Variants in HCK observed in about 807,000 individuals in gnomAD.
The protein encoded by HCK is HCK proto-oncogene, Src family tyrosine kinase, also known as tyrosine-protein kinase HCK.
A neutral mutation model predicts 70.4 loss-of-function variants in HCK; 40 were observed. The observed-to-expected ratio is 0.57, with a 90% CI of 0.44 to 0.74. The LOEUF is 0.74. Ranked by LOEUF, HCK falls within the 30% of genes least tolerant of loss-of-function variation. The probability of loss-of-function intolerance (pLI) is 0.00; values close to 1 mark genes in which losing one functional copy is unlikely to be tolerated. For missense variants in HCK, 568 were observed against 697.2 expected (o/e 0.81, Z 2.09); for synonymous variants, 245 against 263.2 (o/e 0.93, Z 0.67).
At chr20:32,054,101 G>A (rs75747523) in intron 1 of HCK, 9,319 of 406,420 alleles carry the variant, frequency 0.023, 434 homozygotes, top group African/African-American at 0.13. Flanking sequence ...ACAAATAATA[G>A]CATTTTGTTG....
intron 6 of HCK, among the ~76,000 whole-genome samples, chr20:32,082,691 C>T (rs895318310): frequency 1.3e-5 from 2 of 152,026 alleles, no homozygotes; most frequent in Admixed American, 1.3e-4. Flanking sequence ...TGACATTGTA[C>T]TATTATCATG....
chr20:32,094,815 A>AAAG (rs1569010899), intron 11 of HCK, among the ~76,000 whole-genome samples: 10 of 138,894 alleles, frequency 7.2e-5, no homozygotes, highest in South Asian at 2.3e-4. Flanking sequence ...GAAAGAAAGA[A>AAAG]AGAAAGAAAG....
At chr20:32,065,674 G>A (rs1216030068) in intron 1 of HCK, among the ~76,000 whole-genome samples, 1 of 152,162 alleles carries the variant, frequency 6.6e-6, no homozygotes, top group Non-Finnish European at 1.5e-5. Flanking sequence ...CTGCCTCAGT[G>A]AGGAGGACGT....
intron 1 of HCK, among the ~76,000 whole-genome samples, chr20:32,070,171 C>T (rs1294497565): frequency 6.6e-6 from 1 of 152,174 alleles, no homozygotes; most frequent in Non-Finnish European, 1.5e-5. Context: ...CCACACTACC[C>T]TGGGCCACCA....
chr20:32,053,875 G>T (rs529896360), intron 1 of HCK, among the ~76,000 whole-genome samples: 3 of 152,190 alleles, frequency 2.0e-5, no homozygotes, highest in Non-Finnish European at 2.9e-5. Context: ...CATCCCCGGT[G>T]ATGCTGCTGC....
At chr20:32,062,838 C>A (rs560771692) in intron 1 of HCK, among the ~76,000 whole-genome samples, 12 of 152,278 alleles carry the variant, frequency 7.9e-5, no homozygotes, top group Admixed American at 7.2e-4. Flanking sequence ...GGCTCTGCAC[C>A]CCCAAGGCAC....
At chr20:32,074,961 G>GT (rs1485575191) in intron 5 of HCK, among the ~76,000 whole-genome samples, 2 of 152,168 alleles carry the variant, frequency 1.3e-5, no homozygotes, top group Non-Finnish European at 2.9e-5. Context: ...TTCTGAACAT[G>GT]TTTTACTAGC....
intron 6 of HCK, among the ~76,000 whole-genome samples, 179 bp from the exon 7 acceptor site, chr20:32,083,715 G>A (rs1374473468): frequency 6.6e-6 from 1 of 152,216 alleles, no homozygotes; most frequent in East Asian, 1.9e-4. Context: ...GGGTGGATGT[G>A]GTAGAGCCTG....
Position 32,052,429 on chromosome 20 carries a change from G to C in HCK, c.5G>C (p.Gly2Ala). ...GGAACCTCAGGGGCTGCCGAGCTGGGGGGGCGCTCAAGCTGCGAGGATCCG... is the reference window on the plus strand; with the variant it reads ...GGAACCTCAGGGGCTGCCGAGCTGGCGGGGCGCTCAAGCTGCGAGGATCCG... The change falls in exon 1 of 13, where the codon GGG (glycine) becomes GCG (alanine). Residue 2 changes from glycine (G) to alanine (A), a missense_variant. Physicochemically the swap from Gly to Ala is moderately conservative, Grantham distance 60. Around this residue, in one of 4 missense-constraint regions of HCK, gnomAD observed 318 missense variants for 336.0 expected, o/e 0.95. Transcript: ENST00000375852. The C allele has an allele frequency of 5.5e-6, 7 of 1,283,348 alleles. No individual in the cohort carries two copies. The highest frequency in any genetic ancestry group is 7.0e-6 in the Non-Finnish European group (7 of 1,005,944). The allele number at this position is 1,283,348 out of a possible 1,614,324, so 79.5% of individuals were successfully genotyped here.
intron 1 of HCK, among the ~76,000 whole-genome samples, chr20:32,055,811 T>C (rs1457120790): frequency 6.6e-6 from 1 of 152,214 alleles, no homozygotes; most frequent in Non-Finnish European, 1.5e-5. Flanking sequence ...GGAAACTTTG[T>C]ACCCATTAAG....
chr20:32,059,110 G>A (rs2045321554), intron 1 of HCK, among the ~76,000 whole-genome samples: 2 of 152,218 alleles, frequency 1.3e-5, no homozygotes, highest in East Asian at 3.8e-4. Context: ...CAGAGTGATA[G>A]AGGCAGGGCA....
chr20:32,090,217 C>T (rs974415862), intron 10 of HCK, among the ~76,000 whole-genome samples: 3 of 152,208 alleles, frequency 2.0e-5, no homozygotes, highest in South Asian at 2.1e-4. Flanking sequence ...CAGCAGTCAC[C>T]GACCAGGGCA....
intron 11 of HCK, among the ~76,000 whole-genome samples, chr20:32,094,912 T>A (rs2045934623): frequency 6.6e-6 from 1 of 151,974 alleles, no homozygotes; most frequent in South Asian, 2.1e-4. Flanking sequence ...CTCACAGGTA[T>A]AATATCAAAA....
chr20:32,088,440 G>A (rs1211647465), intron 9 of HCK, 128 bp from the exon 10 acceptor site: 13 of 620,150 alleles, frequency 2.1e-5, no homozygotes, highest in Middle Eastern at 5.2e-4. Context: ...ACAAATATTC[G>A]TATTTAAATC....
chr20:32,085,475 C>T (rs887393913), intron 8 of HCK, among the ~76,000 whole-genome samples: 5 of 152,034 alleles, frequency 3.3e-5, no homozygotes, highest in Non-Finnish European at 5.9e-5. Context: ...GATCGCACCA[C>T]TGCACTCCAG....
intron 11 of HCK, among the ~76,000 whole-genome samples, chr20:32,094,798 A>AAAGAGAAAGAG (rs1569010612): frequency 2.9e-5 from 1 of 34,286 alleles, no homozygotes; most frequent in African/African-American, 6.4e-5. Flanking sequence ...AGAAAGAAAG[A>AAAGAGAAAGAG]AAGAAAGAAA....
intron 1 of HCK, among the ~76,000 whole-genome samples, chr20:32,059,518 T>C (rs7509404): frequency 0.86 from 129,031 of 149,262 alleles, 55,907 homozygotes; most frequent in East Asian, 1. Flanking sequence ...TCTCTTTTTT[T>C]TTTCTTTTTC....
rs35827345 is a variant in HCK at position 32,066,303 on chromosome 20, CTTT to C, written c.63-5333_63-5331del. Among the ~76,000 whole-genome samples the C allele has an allele frequency of 3.1e-3, 141 of 46,150 alleles. 1 individual carries two copies. Among genetic ancestry groups the C allele is most frequent in the Middle Eastern group, 0.017 (1 of 58 alleles). 30.3% of individuals were successfully genotyped at this position (46,150 alleles called of 152,430 possible). A position where few individuals can be genotyped will look rare whatever the true frequency, so the allele number is the denominator to read the frequency against. ...AATTGTCCATTGTGCCCTCCAGTGA[CTTT>C]TTTTTTTTTTTTTTTTTTTTTTTTT... On this transcript the variant is annotated intron_variant, in intron 1 of 12. Coordinates refer to ENST00000375852, the MANE Select transcript of HCK (RefSeq NM_002110.5).
At position 32,064,850 on chromosome 20, in the gene HCK, G is replaced by A. The variant is rs374731326; in HGVS notation, c.63-6812G>A. Reference sequence around the variant, plus strand: ...CATTTCACTCAGCAGAGGCTGAGGCGGTGAGGAGCAGGTTTCAGGTTCCCA... The same window carrying A: ...CATTTCACTCAGCAGAGGCTGAGGCAGTGAGGAGCAGGTTTCAGGTTCCCA... On this transcript the variant is annotated intron_variant, in intron 1 of 12. Coordinates refer to ENST00000375852, the MANE Select transcript of HCK (RefSeq NM_002110.5). Among the ~76,000 whole-genome samples the A allele has an allele frequency of 1.4e-4, 22 of 152,356 alleles. No individual in the cohort carries two copies. The East Asian group carries it at 3.1e-3, about 21-fold the overall frequency.
Sources: allele counts gnomAD v4.1 joint callset (sites outside exome capture counted in the v4.1 genomes callset), GRCh38; gene constraint gnomAD v4.1.1; regional missense constraint gnomAD v4.1.1; transcripts MANE v1.5; gene names NCBI Gene and HGNC (gene_info 2026-07-23, HGNC 2026-07-21).